Variants in CNTN1 observed in about 807,000 individuals in gnomAD.
CNTN1 encodes the protein contactin-1.
In CNTN1, 38 loss-of-function variants were observed where a neutral mutation model predicts 126.4. The ratio of observed to expected loss-of-function variants is 0.30; its 90% CI spans 0.23 to 0.39. The LOEUF (loss-of-function observed/expected upper bound fraction) is 0.39, where lower values mean the gene tolerates loss of function less well. CNTN1 is among the 10% of genes least tolerant of loss of function. CNTN1 has a pLI of 1.00. For missense variants in CNTN1, 1,009 were observed against 1,248.4 expected (o/e 0.81, Z 2.89); for synonymous variants, 413 against 422.6 (o/e 0.98, Z 0.28).
At chr12:41,024,904 T>G (rs1363615743) in intron 20 of CNTN1, among the ~76,000 whole-genome samples, 1 of 152,204 alleles carries the variant, frequency 6.6e-6, no homozygotes, top group East Asian at 1.9e-4. Flanking sequence ...TTTATTTTTT[T>G]TAGTCAATGT....
At chr12:40,763,860 G>A (rs10219499) in intron 1 of CNTN1, among the ~76,000 whole-genome samples, 7,291 of 152,224 alleles carry the variant, frequency 0.048, 429 homozygotes, top group African/African-American at 0.14. Context: ...AACATTTCCT[G>A]TAGCAGCTCT....
At chr12:40,954,087 A>T (rs1221834055) in intron 14 of CNTN1, among the ~76,000 whole-genome samples, 1 of 152,120 alleles carries the variant, frequency 6.6e-6, no homozygotes, top group East Asian at 1.9e-4. Flanking sequence ...GGAGTTTAGT[A>T]ACAGGGTTAT....
chr12:40,865,321 T>A (rs966268852), intron 1 of CNTN1, among the ~76,000 whole-genome samples: 1 of 152,166 alleles, frequency 6.6e-6, no homozygotes, highest in Non-Finnish European at 1.5e-5. Context: ...CTTGATGATA[T>A]ACTTTGATGC....
chr12:41,069,133 C>T (rs551502716), intron 23 of CNTN1, among the ~76,000 whole-genome samples: 2 of 152,318 alleles, frequency 1.3e-5, no homozygotes, highest in East Asian at 3.9e-4. Flanking sequence ...GACCCATAAA[C>T]TTACTTGACT....
At chr12:41,048,616 T>C (rs1949600432) in intron 23 of CNTN1, among the ~76,000 whole-genome samples, 1 of 152,132 alleles carries the variant, frequency 6.6e-6, no homozygotes, top group Non-Finnish European at 1.5e-5. Context: ...TATTTGATTT[T>C]TCTCATCACC....
chr12:40,965,611 G>A (rs893608927), intron 15 of CNTN1, among the ~76,000 whole-genome samples: 19 of 152,076 alleles, frequency 1.2e-4, no homozygotes, highest in Non-Finnish European at 2.5e-4. Context: ...ATAAACAGAT[G>A]TAATCATTAA....
At chr12:40,732,912 C>A (rs1356091895) in intron 1 of CNTN1, among the ~76,000 whole-genome samples, 2 of 152,092 alleles carry the variant, frequency 1.3e-5, no homozygotes, top group African/African-American at 2.4e-5. Flanking sequence ...ACTCTCTCTC[C>A]TTACTCATAG....
At chr12:40,813,057 T>TTCTTTCTTTCTTTCTTTCTTTCTC in intron 1 of CNTN1, among the ~76,000 whole-genome samples, 1 of 133,936 alleles carries the variant, frequency 7.5e-6, no homozygotes, top group African/African-American at 2.9e-5. Context: ...CTTTCTTTCT[T>TTCTTTCTTTCTTTCTTTCTTTCTC]TCTTCCTTCC....
intron 23 of CNTN1, among the ~76,000 whole-genome samples, chr12:41,040,144 T>A (rs1177672720): frequency 6.6e-6 from 1 of 152,122 alleles, no homozygotes; most frequent in African/African-American, 2.4e-5. Context: ...AGCTTCATCT[T>A]CAAAGGAAGC....
intron 23 of CNTN1, among the ~76,000 whole-genome samples, chr12:41,042,554 G>A (rs528232228): frequency 6.6e-6 from 1 of 152,166 alleles, no homozygotes; most frequent in Non-Finnish European, 1.5e-5. Flanking sequence ...GGGAGTCTAA[G>A]TCTCTTTGTA....
chr12:40,795,816 G>C (rs1179426322), intron 1 of CNTN1, among the ~76,000 whole-genome samples: 3 of 152,066 alleles, frequency 2.0e-5, no homozygotes, highest in Non-Finnish European at 4.4e-5. Flanking sequence ...TGTAATCGTT[G>C]CTAACAGTTT....
At chr12:40,755,854 G>A (rs1466484611) in intron 1 of CNTN1, among the ~76,000 whole-genome samples, 2 of 152,012 alleles carry the variant, frequency 1.3e-5, no homozygotes, top group African/African-American at 2.4e-5. Context: ...TAGTAAGGGT[G>A]GAATTGAGGG....
intron 23 of CNTN1, among the ~76,000 whole-genome samples, chr12:41,057,880 C>T (rs575255109): frequency 3.3e-5 from 5 of 152,130 alleles, no homozygotes; most frequent in African/African-American, 9.6e-5. Context: ...TAGAGCTATA[C>T]TGGAGATCAA....
intron 17 of CNTN1, among the ~76,000 whole-genome samples, chr12:41,000,390 C>G (rs1310925216): frequency 6.6e-6 from 1 of 152,038 alleles, no homozygotes; most frequent in Non-Finnish European, 1.5e-5. Context: ...TTTCCTATAG[C>G]ATGAAAAGTT....
rs144047921 is a variant in CNTN1 at position 40,933,719 on chromosome 12, C to A, written c.826C>A (p.Arg276=). 1.1e-5 allele frequency: 17 copies of A among 1,612,586 alleles called. No homozygotes were observed. Among genetic ancestry groups the A allele is most frequent in the Non-Finnish European group, 1.4e-5 (17 of 1,179,076 alleles). The change falls in exon 9 of 24, where the codon CGG becomes AGG. Residue 276 remains arginine, a synonymous_variant. Coordinates refer to ENST00000551295, the MANE Select transcript of CNTN1 (RefSeq NM_001843.4). ...LGNPVPDIRW[R]KVLEPMPSTA... is the part of the protein sequence containing the mutation. ...AAGTCCTGTTCCGGATATCCGATGG[C>A]GGAAGGTTCTAGAACCAATGCCAAG...
intron 3 of CNTN1, among the ~76,000 whole-genome samples, chr12:40,913,872 T>C (rs1283872180): frequency 3.3e-5 from 5 of 152,176 alleles, no homozygotes; most frequent in African/African-American, 1.2e-4. Context: ...TTGATCACAT[T>C]TAAGAAATGT....
intron 15 of CNTN1, chr12:40,972,588 TATTA>T (rs954713192): frequency 1.3e-6 from 1 of 785,712 alleles, no homozygotes; most frequent in African/African-American, 1.9e-5. Context: ...AAAAATAATT[TATTA>T]GTCATCATAA....
rs184107554 is a variant in CNTN1, at chr12:40,990,418, C to T, written c.1964-2702C>T. 9.2e-5 allele frequency among the ~76,000 whole-genome samples: 14 copies of T among 152,226 alleles called. No homozygotes were observed. The East Asian group carries it at 2.7e-3, about 29-fold the overall frequency. On this transcript the variant is annotated intron_variant, in intron 16 of 23. Coordinates refer to ENST00000551295, the MANE Select transcript of CNTN1 (RefSeq NM_001843.4). ...TGGACCAAGGGGTTCTTCCTAGGGT[C>T]CACCTGCTTGAGGTCATGACTCTGA...
At chr12:40,807,767 G>T (rs936749198) in intron 1 of CNTN1, among the ~76,000 whole-genome samples, 13 of 152,014 alleles carry the variant, frequency 8.6e-5, no homozygotes, top group African/African-American at 3.1e-4. Context: ...GTATTTTTAG[G>T]TAACTACCTT....
Sources: allele counts gnomAD v4.1 joint callset (sites outside exome capture counted in the v4.1 genomes callset), GRCh38; gene constraint gnomAD v4.1.1; transcripts MANE v1.5; gene names NCBI Gene and HGNC (gene_info 2026-07-23, HGNC 2026-07-21).